SGIP1: variants seen among roughly 807,000 people sequenced by gnomAD.
The protein encoded by SGIP1 is SH3-containing GRB2-like protein 3-interacting protein 1.
In SGIP1, 38 loss-of-function variants were observed where a neutral mutation model predicts 107.5. That is an observed-to-expected ratio of 0.35 (90% CI 0.27 to 0.46). The LOEUF is 0.46. Among genes scored for constraint, SGIP1 ranks in the 20% least tolerant of loss-of-function variants. The pLI is 1.00. For missense variants in SGIP1, 929 were observed against 1,019.5 expected (o/e 0.91, Z 1.21); for synonymous variants, 365 against 366.1 (o/e 1.00, Z 0.03).
At chr1:66,606,110 G>GA (rs1263580711) in intron 1 of SGIP1, among the ~76,000 whole-genome samples, 1 of 152,028 alleles carries the variant, frequency 6.6e-6, no homozygotes, top group Admixed American at 6.6e-5. Context: ...TATGTAGTAG[G>GA]AAAAAATACT....
chr1:66,691,369 G>C (rs145522911), intron 17 of SGIP1, among the ~76,000 whole-genome samples: 1 of 152,276 alleles, frequency 6.6e-6, no homozygotes, highest in Non-Finnish European at 1.5e-5. Flanking sequence ...AAGTTAAGGT[G>C]TGCCTTTTAA....
chr1:66,707,689 A>G (rs979857103), intron 18 of SGIP1, among the ~76,000 whole-genome samples: 1 of 152,210 alleles, frequency 6.6e-6, no homozygotes, highest in African/African-American at 2.4e-5. Context: ...CAGCAGTTGC[A>G]TAGTCTGGTA....
intron 2 of SGIP1, among the ~76,000 whole-genome samples, chr1:66,631,467 G>T (rs2074669400): frequency 2.0e-5 from 3 of 152,050 alleles, no homozygotes; most frequent in African/African-American, 7.2e-5. Flanking sequence ...TCTGTTTCTT[G>T]TCCCTGTATC....
chr1:66,622,563 A>C (rs544737074), intron 1 of SGIP1, among the ~76,000 whole-genome samples: 2 of 152,284 alleles, frequency 1.3e-5, no homozygotes, highest in Admixed American at 1.3e-4. Context: ...ATCTATATTT[A>C]ATTTTGTGTG....
At chr1:66,732,788 C>T (rs1381012114) in intron 20 of SGIP1, among the ~76,000 whole-genome samples, 2 of 151,458 alleles carry the variant, frequency 1.3e-5, no homozygotes, top group Non-Finnish European at 2.9e-5. Context: ...AATAATTCTT[C>T]CTTTGCAGGG....
chr1:66,636,051 G>A (rs1275547286), intron 4 of SGIP1, 36 bp downstream of exon 4: 4 of 1,592,498 alleles, frequency 2.5e-6, no homozygotes, highest in East Asian at 4.5e-5. Flanking sequence ...ATTTCCAAAG[G>A]GTTATAAAAA....
chr1:66,550,982 G>A (rs1389818357), intron 1 of SGIP1, among the ~76,000 whole-genome samples: 2 of 152,048 alleles, frequency 1.3e-5, no homozygotes. Context: ...CAGAACAATG[G>A]CATTCTCTGC....
chr1:66,698,242 G>A (rs923688750), intron 18 of SGIP1, among the ~76,000 whole-genome samples: 1 of 152,004 alleles, frequency 6.6e-6, no homozygotes, highest in Admixed American at 6.6e-5. Context: ...AAGTGTTAGT[G>A]GTTCTAATTC....
At chr1:66,693,369 G>A (rs561349979) in intron 17 of SGIP1, among the ~76,000 whole-genome samples, 1 of 151,914 alleles carries the variant, frequency 6.6e-6, no homozygotes, top group African/African-American at 2.4e-5. Flanking sequence ...AATATTATGA[G>A]GATAGAGAAA....
intron 21 of SGIP1, among the ~76,000 whole-genome samples, chr1:66,736,388 A>C (rs2094245484): frequency 3.9e-5 from 1 of 25,954 alleles, no homozygotes; most frequent in African/African-American, 1.2e-4. Flanking sequence ...ATAATATATA[A>C]TATATGTGAA....
chr1:66,694,288 C>T (rs1350259183), intron 17 of SGIP1: 9 of 588,622 alleles, frequency 1.5e-5, no homozygotes, highest in South Asian at 8.5e-5. Context: ...TTCTTTATAT[C>T]GTAATCATAA....
intron 1 of SGIP1, among the ~76,000 whole-genome samples, chr1:66,537,549 G>A (rs2053914368): frequency 6.6e-6 from 1 of 152,026 alleles, no homozygotes; most frequent in Non-Finnish European, 1.5e-5. Context: ...TGTTCACGTA[G>A]GCCCAACTGA....
intron 13 of SGIP1, 143 bp from the exon 14 acceptor site, chr1:66,679,535 C>A: frequency 1.2e-6 from 1 of 845,970 alleles, no homozygotes; most frequent in Non-Finnish European, 1.8e-6. Flanking sequence ...TGGCTTTGAA[C>A]TTCAAAGAAG....
intron 1 of SGIP1, among the ~76,000 whole-genome samples, chr1:66,602,687 G>C (rs1048623293): frequency 1.3e-5 from 2 of 151,730 alleles, no homozygotes; most frequent in African/African-American, 4.8e-5. Flanking sequence ...GTATGTAAAA[G>C]CCCCAAAACA....
At chr1:66,565,101 T>C (rs2059466419) in intron 1 of SGIP1, among the ~76,000 whole-genome samples, 1 of 152,002 alleles carries the variant, frequency 6.6e-6, no homozygotes, top group Admixed American at 6.6e-5. Flanking sequence ...CAGTTTGCTT[T>C]GTGCTACAGT....
chr1:66,552,691 C>T (rs1202513989), intron 1 of SGIP1, among the ~76,000 whole-genome samples: 2 of 152,134 alleles, frequency 1.3e-5, no homozygotes, highest in East Asian at 3.9e-4. Context: ...ATACCTGTCT[C>T]ATGAAGTTAT....
In SGIP1 at chr1:66,748,911, C is replaced by T. The variant is rs1203381710; in HGVS notation, c.*5816C>T. 6.6e-6 allele frequency among the ~76,000 whole-genome samples: 1 copy of T among 151,818 alleles called. No individual in the cohort carries two copies. The highest frequency in any genetic ancestry group is 1.5e-5 in the Non-Finnish European group (1 of 67,828). ...TCAGGTAAAAAAAATTTTTTCTAAG[C>T]ACACCTTGAGAAACCTTTGGAAAAG... On this transcript the variant is annotated 3_prime_UTR_variant, in exon 25 of 25. Transcript: ENST00000371037.
chr1:66,734,747 C>T lies in SGIP1; in HGVS notation c.2031+867C>T, dbSNP rs1054594275. On this transcript the variant is annotated intron_variant, in intron 21 of 24. Coordinates refer to ENST00000371037, the MANE Select transcript of SGIP1 (RefSeq NM_032291.4). Reference sequence around the variant, plus strand: ...TCTGGAACTCCTGACCTCAGGTGATCCGCCCGCATCAGCCTCCTAAAGTGC... The same window carrying T: ...TCTGGAACTCCTGACCTCAGGTGATTCGCCCGCATCAGCCTCCTAAAGTGC... 9.2e-5 allele frequency among the ~76,000 whole-genome samples: 14 copies of T among 152,252 alleles called. No individual in the cohort carries two copies. In the East Asian group the frequency reaches 2.7e-3, roughly 29 times the overall value.
At chr1:66,547,104 G>A (rs2056542811) in intron 1 of SGIP1, among the ~76,000 whole-genome samples, 1 of 152,242 alleles carries the variant, frequency 6.6e-6, no homozygotes, top group Non-Finnish European at 1.5e-5. Flanking sequence ...GGTTTCAATT[G>A]AAGAGTTGGG....
Sources: allele counts gnomAD v4.1 joint callset (sites outside exome capture counted in the v4.1 genomes callset), GRCh38; gene constraint gnomAD v4.1.1; transcripts MANE v1.5; gene names NCBI Gene and HGNC (gene_info 2026-07-23, HGNC 2026-07-21).